RIT2: variants seen among roughly 807,000 people sequenced by gnomAD.
The protein encoded by RIT2 is GTP-binding protein Rit2.
A neutral mutation model predicts 23.7 loss-of-function variants in RIT2; 24 were observed. That is an observed-to-expected ratio of 1.01 (90% CI 0.73 to 1.43). The LOEUF (loss-of-function observed/expected upper bound fraction) is 1.43, where lower values mean the gene tolerates loss of function less well. RIT2 is among the 40% of genes most tolerant of loss of function. The pLI is 0.00. For synonymous variants in RIT2, 107 were observed against 91.1 expected (o/e 1.17, Z -0.99); for missense variants, 236 against 266.9 (o/e 0.88, Z 0.81).
intron 4 of RIT2, among the ~76,000 whole-genome samples, chr18:42,837,639 C>T (rs1336243037): frequency 6.6e-6 from 1 of 152,038 alleles, no homozygotes; most frequent in Non-Finnish European, 1.5e-5. Flanking sequence ...TAACACAGTT[C>T]TTTAGATAAG....
intron 1 of RIT2, among the ~76,000 whole-genome samples, chr18:43,108,533 A>T (rs1265650889): frequency 6.6e-6 from 1 of 152,140 alleles, no homozygotes; most frequent in East Asian, 1.9e-4. Flanking sequence ...ATGTGGGCTC[A>T]TTGAGGGATT....
intron 1 of RIT2, among the ~76,000 whole-genome samples, chr18:43,063,032 T>C (rs1158956585): frequency 6.6e-6 from 1 of 152,114 alleles, no homozygotes; most frequent in Non-Finnish European, 1.5e-5. Context: ...GGTAGTTATA[T>C]ATTTTCCTTG....
At chr18:42,992,135 A>T (rs1910866000) in intron 2 of RIT2, among the ~76,000 whole-genome samples, 1 of 79,972 alleles carries the variant, frequency 1.3e-5, no homozygotes, top group Non-Finnish European at 2.6e-5. Context: ...CTATGGGCAA[A>T]CTTCCACCCT....
chr18:42,845,959 T>C (rs191369659), intron 4 of RIT2, among the ~76,000 whole-genome samples: 1 of 152,074 alleles, frequency 6.6e-6, no homozygotes, highest in Admixed American at 6.5e-5. Context: ...GTAAAATCAG[T>C]ATGCTACTTA....
intron 4 of RIT2, among the ~76,000 whole-genome samples, chr18:42,822,148 T>C (rs1906170367): frequency 6.6e-6 from 1 of 152,136 alleles, no homozygotes; most frequent in South Asian, 2.1e-4. Context: ...CCTAATACCA[T>C]TCATGCATGT....
intron 3 of RIT2, among the ~76,000 whole-genome samples, chr18:42,934,117 A>G (rs1487828192): frequency 6.6e-6 from 1 of 152,002 alleles, no homozygotes; most frequent in Non-Finnish European, 1.5e-5. Context: ...ATGGGAACAG[A>G]CTAATCTGCC....
At chr18:42,864,193 G>T (rs1907408723) in intron 4 of RIT2, among the ~76,000 whole-genome samples, 1 of 152,056 alleles carries the variant, frequency 6.6e-6, no homozygotes, top group African/African-American at 2.4e-5. Flanking sequence ...CTTTTATTTG[G>T]AAAGTTTGAA....
rs1400997391 is a variant in RIT2, at chr18:43,031,354, G to C, written c.160+2457C>G. Among the ~76,000 whole-genome samples, 4 of 151,280 alleles carry C rather than the reference G, an allele frequency of 2.6e-5. No homozygotes were observed. The East Asian group carries it at 7.8e-4, about 29-fold the overall frequency. On this transcript the variant is annotated intron_variant, in intron 2 of 4. Transcript: ENST00000326695. Reference sequence around the variant, plus strand: ...ACACTAGATGCCACAAAACCAAACTGAAATTTTAAGCAAGCAAATAGACCC... The same window carrying C: ...ACACTAGATGCCACAAAACCAAACTCAAATTTTAAGCAAGCAAATAGACCC...
At chr18:43,009,803 C>T (rs1049553137) in intron 2 of RIT2, among the ~76,000 whole-genome samples, 3 of 151,724 alleles carry the variant, frequency 2.0e-5, no homozygotes, top group African/African-American at 4.8e-5. Flanking sequence ...CATAATCTCA[C>T]ATGCTGGTAT....
intron 3 of RIT2, among the ~76,000 whole-genome samples, chr18:42,939,387 T>G (rs768115267): frequency 3.3e-5 from 5 of 152,184 alleles, no homozygotes; most frequent in Non-Finnish European, 5.9e-5. Flanking sequence ...TCTTGTAATC[T>G]GCTTCCAAGA....
chr18:42,883,808 G>C (rs780744211), intron 4 of RIT2, among the ~76,000 whole-genome samples: 11 of 152,120 alleles, frequency 7.2e-5, no homozygotes, highest in Non-Finnish European at 1.6e-4. Flanking sequence ...CTAAAAATGA[G>C]TCTTGAAGAT....
intron 3 of RIT2, among the ~76,000 whole-genome samples, chr18:42,972,741 T>C (rs1008817594): frequency 6.6e-6 from 1 of 151,742 alleles, no homozygotes; most frequent in Admixed American, 6.6e-5. Flanking sequence ...AAATAATCAA[T>C]CTTTTACAGA....
chr18:42,821,081 T>C (rs2143992202), intron 4 of RIT2, among the ~76,000 whole-genome samples: 1 of 152,246 alleles, frequency 6.6e-6, no homozygotes, highest in East Asian at 1.9e-4. Flanking sequence ...CAGGAGCAGA[T>C]GCCAGTGCCA....
At chr18:43,060,877 T>A (rs1912627013) in intron 1 of RIT2, among the ~76,000 whole-genome samples, 1 of 152,108 alleles carries the variant, frequency 6.6e-6, no homozygotes, top group African/African-American at 2.4e-5. Flanking sequence ...GAGGAAAGCA[T>A]CGTTATCCCT....
intron 4 of RIT2, among the ~76,000 whole-genome samples, chr18:42,895,606 T>C (rs962399677): frequency 6.6e-6 from 1 of 152,222 alleles, no homozygotes; most frequent in Non-Finnish European, 1.5e-5. Flanking sequence ...AAAATCTGAT[T>C]GGATTCACCC....
chr18:42,982,759 T>C (rs183925135), intron 2 of RIT2, among the ~76,000 whole-genome samples: 4 of 152,240 alleles, frequency 2.6e-5, no homozygotes, highest in South Asian at 2.1e-4. Context: ...GCTCAAAAAC[T>C]AAATACTTAT....
At chr18:42,779,946 C>A (rs1458354235) in intron 4 of RIT2, among the ~76,000 whole-genome samples, 1 of 149,232 alleles carries the variant, frequency 6.7e-6, no homozygotes, top group South Asian at 2.1e-4. Context: ...GGTAATGAAA[C>A]TTAAAAATAG....
chr18:42,776,790 A>T (rs1913682217), intron 4 of RIT2, among the ~76,000 whole-genome samples: 1 of 152,160 alleles, frequency 6.6e-6, no homozygotes, highest in Non-Finnish European at 1.5e-5. Flanking sequence ...ATAATAATAA[A>T]ATAATTCACA....
intron 1 of RIT2, among the ~76,000 whole-genome samples, chr18:43,108,616 ACT>A (rs1189832483): frequency 2.0e-5 from 3 of 152,060 alleles, no homozygotes; most frequent in African/African-American, 7.2e-5. Flanking sequence ...AGCTGTAGAA[ACT>A]CTCTTTCATC....
Sources: allele counts gnomAD v4.1 joint callset (sites outside exome capture counted in the v4.1 genomes callset), GRCh38; gene constraint gnomAD v4.1.1; transcripts MANE v1.5; gene names NCBI Gene and HGNC (gene_info 2026-07-23, HGNC 2026-07-21).